The following SORCS1 variants were observed in gnomAD, a reference collection of about 807,000 sequenced individuals.
SORCS1 encodes the protein sortilin related VPS10 domain containing receptor 1, also known as VPS10 domain-containing receptor SorCS1.
A neutral mutation model predicts 146.1 loss-of-function variants in SORCS1; 60 were observed. The observed-to-expected ratio is 0.41, with a 90% CI of 0.33 to 0.51. The LOEUF is 0.51. SORCS1 is among the 20% of genes least tolerant of loss of function. SORCS1 has a pLI of 0.21. For missense variants in SORCS1, 1,352 were observed against 1,487.6 expected (o/e 0.91, Z 1.50); for synonymous variants, 637 against 584.0 (o/e 1.09, Z -1.31).
intron 21 of SORCS1, among the ~76,000 whole-genome samples, chr10:106,614,445 A>G (rs891588836): frequency 2.8e-4 from 43 of 152,212 alleles, no homozygotes; most frequent in African/African-American, 9.9e-4. Context: ...TATATTCCAA[A>G]GAGGTATTGT....
intron 2 of SORCS1, among the ~76,000 whole-genome samples, chr10:106,915,123 T>G (rs1292510795): frequency 1.3e-5 from 2 of 152,216 alleles, no homozygotes; most frequent in East Asian, 3.9e-4. Context: ...TGTCTCAAAC[T>G]GACCTCAAAG....
intron 18 of SORCS1, among the ~76,000 whole-genome samples, chr10:106,648,794 C>T (rs531393602): frequency 6.6e-6 from 1 of 152,184 alleles, no homozygotes; most frequent in Admixed American, 6.5e-5. Flanking sequence ...TAGGTGAGAA[C>T]AGGCCCTCCT....
At chr10:106,955,006 A>G (rs780513147) in intron 2 of SORCS1, among the ~76,000 whole-genome samples, 24 of 152,248 alleles carry the variant, frequency 1.6e-4, no homozygotes, top group Admixed American at 1.1e-3. Flanking sequence ...GCTGCCCCAC[A>G]CAACGGGAAG....
chr10:106,751,013 A>C (rs1480688085), intron 5 of SORCS1, among the ~76,000 whole-genome samples: 1 of 123,790 alleles, frequency 8.1e-6, no homozygotes, highest in Non-Finnish European at 1.6e-5. Flanking sequence ...GAGCCGAGAT[A>C]GTGCCACTGC....
chr10:107,032,724 CAG>C (rs1327179807), intron 1 of SORCS1, among the ~76,000 whole-genome samples: 2 of 152,166 alleles, frequency 1.3e-5, no homozygotes, highest in Non-Finnish European at 2.9e-5. Context: ...GAAATGACAA[CAG>C]AGCTGTTATT....
intron 5 of SORCS1, among the ~76,000 whole-genome samples, chr10:106,738,688 A>G (rs1295715482): frequency 6.6e-6 from 1 of 152,234 alleles, no homozygotes; most frequent in Non-Finnish European, 1.5e-5. Flanking sequence ...AGAGGGTAGA[A>G]CAAATATAAG....
intron 2 of SORCS1, among the ~76,000 whole-genome samples, chr10:106,913,750 A>G (rs1952276817): frequency 6.6e-6 from 1 of 152,220 alleles, no homozygotes; most frequent in African/African-American, 2.4e-5. Flanking sequence ...TTTCCTGTAA[A>G]TGCTGAAGGC....
rs1845969960 is a variant in SORCS1, at chr10:106,597,384, G to A, written c.3232C>T (p.Arg1078Ter). Residue 1078 changes from arginine (R) to a stop codon, truncating the protein, a stop_gained, in exon 24 of 26, where the codon CGA becomes TGA. Coordinates refer to ENST00000263054, the MANE Select transcript of SORCS1 (RefSeq NM_052918.5). LOFTEE classifies it high-confidence loss of function. The part of the protein sequence containing the change: ...SVHFELKPGV[R>*]VLVHAAHLTA... Reference sequence around the variant, plus strand: ...AAGTGAGCAGCATGGACAAGGACTCGGACTCCTGGCTTCAGCTCGAAGTGT... The same window carrying A: ...AAGTGAGCAGCATGGACAAGGACTCAGACTCCTGGCTTCAGCTCGAAGTGT... The A allele has an allele frequency of 1.2e-6, 2 of 1,613,864 alleles. No individual in the cohort carries two copies. The highest frequency in any genetic ancestry group is 1.3e-5 in the African/African-American group (1 of 74,924).
intron 1 of SORCS1, among the ~76,000 whole-genome samples, chr10:106,959,249 C>G (rs942099655): frequency 3.9e-5 from 6 of 152,194 alleles, no homozygotes; most frequent in Non-Finnish European, 7.3e-5. Flanking sequence ...GGCAGTTTAT[C>G]AACACAGCAC....
intron 2 of SORCS1, among the ~76,000 whole-genome samples, chr10:106,852,627 C>CAAAAAAAAAAAAAAAA (rs370300215): frequency 1.2e-5 from 1 of 85,002 alleles, no homozygotes; most frequent in Non-Finnish European, 2.3e-5. Context: ...GACCCTGTCT[C>CAAAAAAAAAAAAAAAA]AAAAAAAAAA....
At chr10:106,876,798 C>T (rs1167736466) in intron 2 of SORCS1, among the ~76,000 whole-genome samples, 2 of 152,206 alleles carry the variant, frequency 1.3e-5, no homozygotes. Context: ...GTTGTTAGCT[C>T]TGCTCTAAAC....
chr10:106,948,238 T>A (rs1954466542), intron 2 of SORCS1, among the ~76,000 whole-genome samples: 1 of 151,742 alleles, frequency 6.6e-6, no homozygotes, highest in South Asian at 2.1e-4. Context: ...ACTACAGATA[T>A]CAGGAAAGCT....
At chr10:106,647,750 A>T (rs1849554347) in intron 18 of SORCS1, among the ~76,000 whole-genome samples, 1 of 152,244 alleles carries the variant, frequency 6.6e-6, no homozygotes, top group Admixed American at 6.5e-5. Flanking sequence ...GACTTTTTTC[A>T]CAATGTTGGT....
chr10:106,617,647 A>C (rs1310911990), intron 21 of SORCS1, among the ~76,000 whole-genome samples: 2 of 152,224 alleles, frequency 1.3e-5, no homozygotes, highest in Non-Finnish European at 2.9e-5. Context: ...GTCTATGGCT[A>C]TGTACGACAT....
intron 3 of SORCS1, among the ~76,000 whole-genome samples, chr10:106,814,819 G>T (rs941695708): frequency 6.9e-6 from 1 of 144,732 alleles, no homozygotes; most frequent in Non-Finnish European, 1.5e-5. Flanking sequence ...GAAGGCTGAG[G>T]CAGGAGAATG....
intron 20 of SORCS1, 79 bp from the exon 21 acceptor site, chr10:106,618,351 T>C (rs1399957892): frequency 6.4e-7 from 1 of 1,555,070 alleles, no homozygotes; most frequent in African/African-American, 1.4e-5. Context: ...GAGCCAACAA[T>C]AGGCTGTCTA....
chr10:106,639,310 T>C (rs1461186437), intron 18 of SORCS1, among the ~76,000 whole-genome samples: 6 of 152,266 alleles, frequency 3.9e-5, no homozygotes, highest in South Asian at 4.1e-4. Context: ...GACTAGGAGA[T>C]TGAAAATCCA....
At position 106,608,242 on chromosome 10, in the gene SORCS1, C is replaced by CCACAGG. The variant is rs372140536; in HGVS notation, c.3034-946_3034-945insCCTGTG. 2.6e-4 allele frequency among the ~76,000 whole-genome samples: 39 copies of CCACAGG among 152,282 alleles called. No individual in the cohort carries two copies. The East Asian group carries it at 5.6e-3, about 22-fold the overall frequency. On this transcript the variant is annotated intron_variant, in intron 22 of 25. Transcript: ENST00000263054. ...CATGCTTCCTTTCCAAACTAATTAC[C>CCACAGG]CACAACTCTTACGCTTTTGCCAAAT...
In SORCS1 at chr10:106,859,771, T is replaced by C. The variant is rs117821869; in HGVS notation, c.627-30098A>G. Among the ~76,000 whole-genome samples, 31 of 152,340 alleles carry C rather than the reference T, an allele frequency of 2.0e-4. No homozygotes were observed. The East Asian group carries it at 5.6e-3, about 27-fold the overall frequency. On this transcript the variant is annotated intron_variant, in intron 2 of 25. Transcript: ENST00000263054. The stretch of plus-strand genomic sequence containing the variant: ...CTCCTTTATACTGTATGTGATTTAT[T>C]TGAATCTCTCCTTATTGGCCTTTAT...
Sources: gnomAD v4.1 joint callset for allele counts (sites outside exome capture counted in the v4.1 genomes callset) on GRCh38, gnomAD v4.1.1 for gene constraint, MANE v1.5 for transcripts, NCBI Gene and HGNC (gene_info 2026-07-23, HGNC 2026-07-21) for gene names.